EHD2: variants seen among roughly 807,000 people sequenced by gnomAD.
EHD2 encodes the protein EH domain containing 2, also known as EH domain-containing protein 2.
EHD2 carries 27 observed loss-of-function variants against 41.0 expected under a neutral mutation model. The ratio of observed to expected loss-of-function variants is 0.66; its 90% CI spans 0.49 to 0.91. EHD2 has a LOEUF of 0.91. Among genes scored for constraint, EHD2 ranks in the 40% least tolerant of loss-of-function variants. The probability of loss-of-function intolerance (pLI) is 0.00; values close to 1 mark genes in which losing one functional copy is unlikely to be tolerated. For synonymous variants in EHD2, 342 were observed against 341.0 expected, an observed-to-expected ratio of 1.00 and a Z score of -0.03; for missense variants, 673 against 773.9, an observed-to-expected ratio of 0.87 and a Z score of 1.55.
chr19:47,718,275 A>G (rs1232367366), intron 2 of EHD2, among the ~76,000 whole-genome samples: 3 of 127,590 alleles, frequency 2.4e-5, no homozygotes, highest in South Asian at 2.3e-4. Flanking sequence ...CTCTGTCTCA[A>G]AAAAAAAAAA....
rs748297307 is a variant in EHD2 at position 47,716,658 on chromosome 19, G to C, written c.46G>C (p.Glu16Gln). 1 of 1,588,000 alleles carries C rather than the reference G, an allele frequency of 6.3e-7. No homozygotes were observed. The highest frequency in any genetic ancestry group is 8.6e-7 in the Non-Finnish European group (1 of 1,167,072). The stretch of plus-strand genomic sequence containing the variant: ...GGGCGGGGCACGGGGCCAGCAGCCC[G>C]AGGCCATCCGCACGGTGACCTCGGC... ...KRGGARGQQP[E>Q]AIRTVTSALK... The change falls in exon 2 of 6, where the codon GAG (glutamate) becomes CAG (glutamine). Residue 16 changes from glutamate (E) to glutamine (Q), a missense_variant. Coordinates refer to ENST00000263277, the MANE Select transcript of EHD2 (RefSeq NM_014601.4).
intron 5 of EHD2, among the ~76,000 whole-genome samples, chr19:47,736,902 G>A (rs1250269447): frequency 6.6e-6 from 1 of 152,172 alleles, no homozygotes; most frequent in Non-Finnish European, 1.5e-5. Flanking sequence ...GGCTGTGAAG[G>A]CTCCAGCCAT....
At position 47,741,230 on chromosome 19, in the gene EHD2, T is replaced by C. The variant is rs1599906550; in HGVS notation, c.1430T>C (p.Val477Ala). The C allele has an allele frequency of 1.9e-6, 3 of 1,613,980 alleles. No individual in the cohort carries two copies. The highest frequency in any genetic ancestry group is 2.7e-5 in the African/African-American group (2 of 74,912). ...LSGSKAKTWM[V>A]GTKLPNSVLG... The stretch of plus-strand genomic sequence containing the variant: ...GGCTCCAAGGCCAAGACCTGGATGG[T>C]GGGGACCAAGCTCCCCAACTCAGTG... The change falls in exon 6 of 6, where the codon GTG (valine) becomes GCG (alanine). Residue 477 changes from valine (V) to alanine (A), a missense_variant. Physicochemically the swap from Val to Ala is moderately conservative, Grantham distance 64 (BLOSUM62 0). Transcript: ENST00000263277. This position sits in a 1 kb window ranked among gnomAD's most constrained non-coding sequence, Gnocchi z 4.5.
At chr19:47,736,128 G>A (rs535869235) in intron 4 of EHD2, among the ~76,000 whole-genome samples, 13 of 152,194 alleles carry the variant, frequency 8.5e-5, no homozygotes, top group Non-Finnish European at 1.5e-4. Context: ...GCCGGGAGGC[G>A]GAGGTTGCAG....
At chr19:47,731,314 A>ATATACATATATATATATATGTGTATAT (rs1160770476) in intron 4 of EHD2, 3 of 113,992 alleles carry the variant, frequency 2.6e-5, no homozygotes, top group Non-Finnish European at 3.9e-5. Flanking sequence ...ATATATATAT[A>ATATACATATATATATATATGTGTATAT]ATTTTTTTTT....
chr19:47,722,843 C>T (rs759335640), intron 3 of EHD2, among the ~76,000 whole-genome samples: 1 of 152,154 alleles, frequency 6.6e-6, no homozygotes, highest in Non-Finnish European at 1.5e-5. Context: ...GCTGGGATTG[C>T]AGGCGTGAGC....
rs553547501 is a variant in EHD2, at chr19:47,725,828, C to G, written c.519C>G (p.Ala173=). The G allele has an allele frequency of 6.3e-7, 1 of 1,584,918 alleles. No individual in the cohort carries two copies. The highest frequency in any genetic ancestry group is 8.6e-7 in the Non-Finnish European group (1 of 1,158,992). Residue 173 remains alanine, a synonymous_variant, in exon 4 of 6, where the codon GCC becomes GCG. Coordinates refer to ENST00000263277, the MANE Select transcript of EHD2 (RefSeq NM_014601.4). The part of the protein sequence containing the change: ...QRVSRGYDFP[A]VLRWFAERVD... ...CCACTCCAGGCTACGACTTCCCGGC[C>G]GTGCTGCGCTGGTTCGCGGAGCGCG... is the stretch of plus-strand genomic sequence containing the variant.
chr19:47,741,694 C>A lies in EHD2; in HGVS notation c.*262C>A. 1.6e-6 allele frequency: 1 copy of A among 630,340 alleles called. No individual in the cohort carries two copies. The highest frequency in any genetic ancestry group is 1.7e-5 in the South Asian group (1 of 57,796). The allele number at this position is 630,340 out of a possible 1,614,324, so 39.0% of individuals were successfully genotyped here. On this transcript the variant is annotated 3_prime_UTR_variant, in exon 6 of 6. Transcript: ENST00000263277. The surrounding 1 kb of genome is among the most constrained non-coding windows in gnomAD (Gnocchi z 4.5). ...TCACACACACACTGGCACACGCAGG[C>A]ATCCATCCATCCGTCATTCATTCAA...
At chr19:47,735,383 G>T (rs1000687229) in intron 4 of EHD2, among the ~76,000 whole-genome samples, 1 of 152,158 alleles carries the variant, frequency 6.6e-6, no homozygotes, top group African/African-American at 2.4e-5. Context: ...CCAGCAGGAG[G>T]AGGCCATGAG....
intron 3 of EHD2, among the ~76,000 whole-genome samples, chr19:47,721,468 C>G (rs1056616013): frequency 5.9e-5 from 9 of 151,954 alleles, no homozygotes; most frequent in Non-Finnish European, 8.8e-5. Context: ...CGCCTGCCAC[C>G]ATGCCCGGCT....
rs936258951 is a variant in EHD2, at chr19:47,742,199, A to G, written c.*767A>G. 3.6e-6 allele frequency: 1 copy of G among 275,268 alleles called. No individual in the cohort carries two copies. Among genetic ancestry groups the G allele is most frequent in the Non-Finnish European group, 6.8e-6 (1 of 146,348 alleles). The allele number at this position is 275,268 out of a possible 1,614,324, so 17.1% of individuals were successfully genotyped here. ...TTTGCCCCCAATTCTGCCCATACCC[A>G]TTTCTTTCTTTCCTTCCTTCCTTCT... is the stretch of plus-strand genomic sequence containing the variant. On this transcript the variant is annotated 3_prime_UTR_variant, in exon 6 of 6. Coordinates refer to ENST00000263277, the MANE Select transcript of EHD2 (RefSeq NM_014601.4).
At chr19:47,738,325 T>C (rs1966946831) in intron 5 of EHD2, among the ~76,000 whole-genome samples, 2 of 151,916 alleles carry the variant, frequency 1.3e-5, no homozygotes, top group Non-Finnish European at 1.5e-5. Flanking sequence ...TTTTTTGAGA[T>C]GGAGTCTTGC....
chr19:47,724,239 C>T (rs961571740), intron 3 of EHD2, among the ~76,000 whole-genome samples: 4 of 151,736 alleles, frequency 2.6e-5, no homozygotes, highest in African/African-American at 4.8e-5. Flanking sequence ...CCACCAACAC[C>T]GGGCTAATTT....
chr19:47,739,274 AT>A (rs57266469), intron 5 of EHD2, among the ~76,000 whole-genome samples: 4,776 of 115,886 alleles, frequency 0.041, 100 homozygotes, highest in Non-Finnish European at 0.045. Context: ...CTAATTTTTA[AT>A]TTTTTTTTTT....
intron 4 of EHD2, among the ~76,000 whole-genome samples, chr19:47,733,872 C>T (rs540041182): frequency 2.1e-4 from 32 of 152,062 alleles, no homozygotes; most frequent in Non-Finnish European, 3.7e-4. Context: ...CAGGAACCCC[C>T]GAAAGGATCT....
At chr19:47,726,668 C>T (rs529490658) in intron 4 of EHD2, among the ~76,000 whole-genome samples, 121 of 151,648 alleles carry the variant, frequency 8.0e-4, no homozygotes, top group African/African-American at 2.7e-3. Context: ...CATCCTCTTT[C>T]GTTCCCTCTT....
chr19:47,718,360 G>C (rs190028809), intron 2 of EHD2, 149 bp from the exon 3 acceptor site: 1 of 583,838 alleles, frequency 1.7e-6, no homozygotes, highest in East Asian at 3.2e-5. Flanking sequence ...ACTCTGAGAT[G>C]GTCCTGGTTG....
At chr19:47,736,316 A>T in intron 4 of EHD2, 53 bp from the exon 5 acceptor site, 3 of 1,542,890 alleles carry the variant, frequency 1.9e-6, no homozygotes, top group Non-Finnish European at 2.6e-6. Flanking sequence ...CTGTGTTTTA[A>T]CAAGCTCCCT....
intron 3 of EHD2, among the ~76,000 whole-genome samples, chr19:47,722,722 C>T (rs1292273207): frequency 6.6e-6 from 1 of 152,102 alleles, no homozygotes; most frequent in African/African-American, 2.4e-5. Context: ...CCCACCACCA[C>T]ACCCAGCTAA....
Sources: gnomAD v4.1 joint callset for allele counts (sites outside exome capture counted in the v4.1 genomes callset) on GRCh38, gnomAD v4.1.1 for gene constraint, Gnocchi (gnomAD v3.1) non-coding constraint, MANE v1.5 for transcripts, NCBI Gene and HGNC (gene_info 2026-07-23, HGNC 2026-07-21) for gene names.